RPS29: variants seen among roughly 807,000 people sequenced by gnomAD.
RPS29 encodes ribosomal protein S29.
For synonymous variants in RPS29, 37 were observed against 26.9 expected, an observed-to-expected ratio of 1.37 and a Z score of -1.16; for missense variants, 60 against 75.7, an observed-to-expected ratio of 0.79 and a Z score of 0.77.
chr14:49,598,594 A>G, exon 1 of RPS29: 2 of 701,950 alleles, frequency 2.8e-6, no homozygotes, highest in Non-Finnish European at 5.2e-6. Flanking sequence ...CCTGTAACGC[A>G]GAGGCACACC....
At chr14:49,586,151 G>C in intron 1 of RPS29, 102 bp from the exon 2 acceptor site, 1 of 1,377,554 alleles carries the variant, frequency 7.3e-7, no homozygotes, top group Admixed American at 1.7e-5. Context: ...CCACAGTACA[G>C]GCCTGTAATG....
intron 2 of RPS29, among the ~76,000 whole-genome samples, chr14:49,585,053 A>T (rs765151055): frequency 1.3e-5 from 2 of 152,008 alleles, no homozygotes; most frequent in Non-Finnish European, 1.5e-5. Context: ...CTTTAAGTTC[A>T]TTCCAGTGTA....
At chr14:49,571,364 T>G (rs541291536) in exon 3 of RPS29, 1 of 152,312 alleles carries the variant, frequency 6.6e-6, no homozygotes, top group East Asian at 1.9e-4. Context: ...GCTTTCTGTT[T>G]TATAGTAAAG....
chr14:49,578,733 G>A (rs1408819098), downstream of RPS29, among the ~76,000 whole-genome samples: 2 of 151,668 alleles, frequency 1.3e-5, no homozygotes, highest in Non-Finnish European at 2.9e-5. Flanking sequence ...ACTAATTTTT[G>A]TATTTTTAAC....
downstream of RPS29, among the ~76,000 whole-genome samples, chr14:49,582,244 C>A (rs1881361626): frequency 6.6e-6 from 1 of 152,156 alleles, no homozygotes; most frequent in South Asian, 2.1e-4. Context: ...ACCTGGACAG[C>A]ATAGTAATAC....
chr14:49,576,622 C>T (rs553926104), exon 3 of RPS29: 1 of 152,280 alleles, frequency 6.6e-6, no homozygotes, highest in Non-Finnish European at 1.5e-5. Flanking sequence ...TGGCTCATGC[C>T]TTGATTATGG....
At chr14:49,573,254 G>A (rs958847946) in exon 3 of RPS29, 7 of 152,038 alleles carry the variant, frequency 4.6e-5, no homozygotes, top group Non-Finnish European at 8.8e-5. Flanking sequence ...AGATCCTTGA[G>A]GTCAGGAGTT....
intron 2 of RPS29, 66 bp downstream of exon 2, chr14:49,585,884 G>C (rs768416008): frequency 4.0e-6 from 5 of 1,247,344 alleles, no homozygotes; most frequent in Non-Finnish European, 5.9e-6. Context: ...TTTGTCTTTC[G>C]CGGAAAAAAT....
chr14:49,583,641 C>G lies in RPS29; in HGVS notation c.*26G>C. The stretch of plus-strand genomic sequence containing the variant: ...ATGGTTTTTCATTGAGTAGATGCCC[C>G]GGATAATCCTCTGAAGGAAGAGCAT... On this transcript the variant is annotated 3_prime_UTR_variant, in exon 3 of 3. Coordinates refer to ENST00000245458, the MANE Select transcript of RPS29 (RefSeq NM_001032.5). 4 of 1,577,888 alleles carry G rather than the reference C, an allele frequency of 2.5e-6. No individual in the cohort carries two copies. The highest frequency in any genetic ancestry group is 3.4e-6 in the Non-Finnish European group (4 of 1,163,538).
intron 1 of RPS29, among the ~76,000 whole-genome samples, chr14:49,593,348 T>C (rs1198710717): frequency 6.6e-6 from 1 of 152,170 alleles, no homozygotes; most frequent in Non-Finnish European, 1.5e-5. Flanking sequence ...AGTAATCATA[T>C]AGCAATATTT....
downstream of RPS29, among the ~76,000 whole-genome samples, chr14:49,581,647 G>A (rs1179027782): frequency 6.6e-6 from 1 of 152,088 alleles, no homozygotes; most frequent in Non-Finnish European, 1.5e-5. Flanking sequence ...CCCAAGTGCT[G>A]GGAATACAGG....
At chr14:49,581,935 T>C (rs533935655), downstream of RPS29, among the ~76,000 whole-genome samples, 20 of 146,058 alleles carry the variant, frequency 1.4e-4, no homozygotes, top group East Asian at 1.2e-3. Context: ...AGTGGAAGGA[T>C]AGCTTGAGCC....
upstream of RPS29, among the ~76,000 whole-genome samples, chr14:49,589,026 G>A (rs1026320168): frequency 1.3e-5 from 2 of 151,788 alleles, no homozygotes; most frequent in African/African-American, 4.8e-5. Context: ...CGAGTAGCTG[G>A]GACTACAGCG....
chr14:49,575,334 T>G (rs1188188013), exon 3 of RPS29: 1 of 152,328 alleles, frequency 6.6e-6, no homozygotes, highest in Non-Finnish European at 1.5e-5. Flanking sequence ...TAAGCCACTG[T>G]GCCTGGCATC....
chr14:49,598,563 A>T (rs1881893121), exon 1 of RPS29: 1 of 702,316 alleles, frequency 1.4e-6, no homozygotes, highest in South Asian at 1.5e-5. Context: ...GGGGCCACTC[A>T]GACAGTTCTA....
chr14:49,586,222 G>A lies in RPS29; in HGVS notation c.62+63C>T, dbSNP rs1034038855. The A allele has an allele frequency of 1.9e-6, 3 of 1,556,142 alleles. No homozygotes were observed. In the African/African-American group the frequency reaches 4.1e-5, roughly 21 times the overall value. The stretch of plus-strand genomic sequence containing the variant: ...GTGCCGCCCGTGGCCTCCTCTACTT[G>A]AGATTTTAAGCAGCCTAGCGCTCCA... On this transcript the variant is annotated intron_variant, in intron 1 of 2. Transcript: ENST00000245458.
exon 1 of RPS29, chr14:49,598,660 A>G (rs1881899169): frequency 1.4e-6 from 1 of 700,762 alleles, no homozygotes; most frequent in Non-Finnish European, 2.6e-6. Flanking sequence ...TAAAGCGTCA[A>G]CAGCTGAAAC....
chr14:49,591,976 CAG>C, intron 1 of RPS29, among the ~76,000 whole-genome samples: 1 of 152,210 alleles, frequency 6.6e-6, no homozygotes, highest in South Asian at 2.1e-4. Context: ...TCTGATGAGA[CAG>C]AGCGTATTTT....
chr14:49,583,774 G>T, intron 2 of RPS29, 99 bp from the exon 3 acceptor site: 1 of 770,710 alleles, frequency 1.3e-6, no homozygotes, highest in South Asian at 1.6e-5. Context: ...TAGAATTACA[G>T]AACTGGACCT....
Sources: gnomAD v4.1 joint callset for allele counts (sites outside exome capture counted in the v4.1 genomes callset) on GRCh38, gnomAD v4.1.1 for gene constraint, MANE v1.5 for transcripts, NCBI Gene and HGNC (gene_info 2026-07-23, HGNC 2026-07-21) for gene names.